The following NRIP1 variants were observed in gnomAD, a reference collection of about 807,000 sequenced individuals.
NRIP1 encodes the protein nuclear receptor-interacting protein 1.
Under a neutral mutation model 75.0 loss-of-function variants are expected in NRIP1, and 28 were observed. The observed-to-expected ratio is 0.37, with a 90% CI of 0.28 to 0.51. NRIP1 has a LOEUF of 0.51. Ranked by LOEUF, NRIP1 falls within the 20% of genes least tolerant of loss-of-function variation. The pLI is 0.92. For synonymous variants in NRIP1, 526 were observed against 487.6 expected, an observed-to-expected ratio of 1.08 and a Z score of -1.04; for missense variants, 1,435 against 1,343.7, an observed-to-expected ratio of 1.07 and a Z score of -1.06.
chr21:15,026,883 A>G (rs1440546918), intron 2 of NRIP1, among the ~76,000 whole-genome samples: 3 of 152,182 alleles, frequency 2.0e-5, no homozygotes, highest in African/African-American at 7.2e-5. Flanking sequence ...AAATAACTTA[A>G]AGAGTGTAAC....
chr21:14,975,685 G>A lies in NRIP1; in HGVS notation c.-334-7159C>T, dbSNP rs200506293. Among the ~76,000 whole-genome samples the A allele has an allele frequency of 1.0e-4, 12 of 114,674 alleles. No homozygotes were observed. In the East Asian group the frequency reaches 1.3e-3, roughly 12 times the overall value. The allele number at this position is 114,674 out of a possible 152,430, so 75.2% of individuals were successfully genotyped here. On this transcript the variant is annotated intron_variant, in intron 3 of 3. Transcript: ENST00000318948. ...AGAGAGAGAGAGAAAGAAAGAAAGG[G>A]AGGGGAGGGGAGGAATAGAATGACG...
intron 3 of NRIP1, among the ~76,000 whole-genome samples, chr21:14,971,207 G>C (rs1432773674): frequency 1.3e-5 from 2 of 152,104 alleles, no homozygotes. Context: ...AATTACTACA[G>C]TGCAACACAG....
chr21:14,972,629 A>C (rs976169625), intron 3 of NRIP1, among the ~76,000 whole-genome samples: 1 of 152,208 alleles, frequency 6.6e-6, no homozygotes, highest in African/African-American at 2.4e-5. Flanking sequence ...CTAAAAGTCA[A>C]CACACATTTA....
chr21:15,009,932 T>C (rs192767483), intron 3 of NRIP1, among the ~76,000 whole-genome samples: 1 of 152,200 alleles, frequency 6.6e-6, no homozygotes, highest in East Asian at 1.9e-4. Context: ...ACTGCAGATA[T>C]TTTGAGAAGC....
At chr21:15,027,046 A>T (rs75134007) in intron 2 of NRIP1, among the ~76,000 whole-genome samples, 1 of 152,210 alleles carries the variant, frequency 6.6e-6, no homozygotes, top group Admixed American at 6.5e-5. Flanking sequence ...TTAAAAAAAA[A>T]TTTGAAACAG....
intron 2 of NRIP1, among the ~76,000 whole-genome samples, chr21:15,024,340 C>G (rs1452706201): frequency 6.6e-6 from 1 of 152,054 alleles, no homozygotes; most frequent in Non-Finnish European, 1.5e-5. Flanking sequence ...GTCAGGAGTT[C>G]GAGACCAGCC....
At chr21:15,016,864 G>A (rs1441054106) in intron 2 of NRIP1, among the ~76,000 whole-genome samples, 2 of 151,438 alleles carry the variant, frequency 1.3e-5, no homozygotes, top group Non-Finnish European at 2.9e-5. Context: ...CAGCCTGGGC[G>A]ACAGAGCGAG....
At chr21:15,001,326 GGC>G (rs2087844793) in intron 3 of NRIP1, among the ~76,000 whole-genome samples, 2 of 152,136 alleles carry the variant, frequency 1.3e-5, no homozygotes, top group African/African-American at 4.8e-5. Context: ...TGTGGCAAGA[GGC>G]TTGGACAAGA....
At chr21:14,972,927 T>G (rs1395852824) in intron 3 of NRIP1, among the ~76,000 whole-genome samples, 1 of 152,206 alleles carries the variant, frequency 6.6e-6, no homozygotes, top group African/African-American at 2.4e-5. Flanking sequence ...GCTCACCGCC[T>G]GCTGTGTGGC....
chr21:14,997,807 C>T (rs2087765544), intron 3 of NRIP1, among the ~76,000 whole-genome samples: 1 of 150,860 alleles, frequency 6.6e-6, no homozygotes, highest in African/African-American at 2.4e-5. Context: ...TCATTTAATC[C>T]TCATAACCTA....
Position 15,031,043 on chromosome 21 carries a change from G to GTTCA in NRIP1, c.-458+12451_-458+12452insTGAA, listed in dbSNP as rs1392538346. On this transcript the variant is annotated intron_variant, in intron 2 of 3. Coordinates refer to ENST00000318948, the MANE Select transcript of NRIP1 (RefSeq NM_003489.4). ...TATGTGTATACTCTGGAAGGCGGTT[G>GTTCA]GAGGTTCACTACATTCCCTTTCTAT... 2.7e-3 allele frequency among the ~76,000 whole-genome samples: 303 copies of GTTCA among 113,856 alleles called. 13 individuals are homozygous for GTTCA. Among genetic ancestry groups the GTTCA allele is most frequent in the Admixed American group, 4.7e-3 (49 of 10,476 alleles). 74.7% of individuals were successfully genotyped at this position (113,856 alleles called of 152,430 possible). A position where few individuals can be genotyped will look rare whatever the true frequency, so the allele number is the denominator to read the frequency against.
At chr21:15,031,891 T>C (rs1007399274) in intron 2 of NRIP1, among the ~76,000 whole-genome samples, 2 of 151,010 alleles carry the variant, frequency 1.3e-5, no homozygotes, top group Admixed American at 1.3e-4. Context: ...TGGAAGGTGG[T>C]TGGAGGTTCA....
At chr21:15,036,501 A>C (rs1170595825) in intron 2 of NRIP1, among the ~76,000 whole-genome samples, 1 of 151,048 alleles carries the variant, frequency 6.6e-6, no homozygotes. Flanking sequence ...TATGAAACTC[A>C]TTTCCTCCTT....
At chr21:15,025,074 G>A (rs1360407667) in intron 2 of NRIP1, among the ~76,000 whole-genome samples, 2 of 152,158 alleles carry the variant, frequency 1.3e-5, no homozygotes, top group Non-Finnish European at 2.9e-5. Flanking sequence ...GCCCAAGTTG[G>A]AGCAGAAGGG....
intron 2 of NRIP1, among the ~76,000 whole-genome samples, chr21:15,037,344 G>T (rs758625934): frequency 2.6e-5 from 4 of 152,040 alleles, no homozygotes; most frequent in African/African-American, 4.8e-5. Context: ...TTTTTTGATC[G>T]TTTCTAAGCT....
intron 3 of NRIP1, among the ~76,000 whole-genome samples, chr21:14,970,322 G>T (rs2086867812): frequency 6.6e-6 from 1 of 152,152 alleles, no homozygotes; most frequent in Admixed American, 6.5e-5. Context: ...GAGGTGGGTG[G>T]ATCGCCTGAG....
At chr21:15,009,877 C>T (rs758428350) in intron 3 of NRIP1, among the ~76,000 whole-genome samples, 16 of 151,872 alleles carry the variant, frequency 1.1e-4, no homozygotes, top group Non-Finnish European at 1.9e-4. Flanking sequence ...AAGTGAGTTA[C>T]TAAAAAAAAT....
At chr21:15,047,612 G>A (rs1568730175) in intron 1 of NRIP1, among the ~76,000 whole-genome samples, 2 of 152,180 alleles carry the variant, frequency 1.3e-5, no homozygotes, top group Admixed American at 1.3e-4. Context: ...CACGAGAACA[G>A]CATGGGGGTA....
intron 3 of NRIP1, among the ~76,000 whole-genome samples, chr21:15,000,212 C>A (rs984183699): frequency 5.9e-5 from 9 of 152,084 alleles, no homozygotes; most frequent in African/African-American, 2.2e-4. Context: ...AGAGTACTTT[C>A]AAAAGAGCAA....
Sources: gnomAD v4.1 joint callset for allele counts (sites outside exome capture counted in the v4.1 genomes callset) on GRCh38, gnomAD v4.1.1 for gene constraint, MANE v1.5 for transcripts, NCBI Gene and HGNC (gene_info 2026-07-23, HGNC 2026-07-21) for gene names.